Variants in INPP4B observed in about 807,000 individuals in gnomAD.
INPP4B encodes inositol polyphosphate 4-phosphatase type II.
A neutral mutation model predicts 122.5 loss-of-function variants in INPP4B; 55 were observed. That is an observed-to-expected ratio of 0.45 (90% CI 0.36 to 0.56). INPP4B has a LOEUF of 0.56. INPP4B is among the 20% of genes least tolerant of loss of function. The pLI is 0.00. For synonymous variants in INPP4B, 403 were observed against 388.7 expected (o/e 1.04, Z -0.43); for missense variants, 1,000 against 1,097.7 (o/e 0.91, Z 1.26).
chr4:142,215,439 C>A (rs1846707967), intron 12 of INPP4B, among the ~76,000 whole-genome samples: 1 of 152,134 alleles, frequency 6.6e-6, no homozygotes, highest in Non-Finnish European at 1.5e-5. Context: ...AAAACTAAAC[C>A]TGAACAAAAG....
At chr4:142,076,654 C>A (rs1222238502) in intron 25 of INPP4B, among the ~76,000 whole-genome samples, 3 of 151,850 alleles carry the variant, frequency 2.0e-5, no homozygotes, top group African/African-American at 7.2e-5. Flanking sequence ...TTCAAGTAGT[C>A]AAAAAATAGC....
chr4:142,791,141 G>C (rs1190467190), intron 1 of INPP4B, among the ~76,000 whole-genome samples: 1 of 152,106 alleles, frequency 6.6e-6, no homozygotes, highest in Non-Finnish European at 1.5e-5. Context: ...AGGAAATAGA[G>C]ATAGAGAATA....
rs1481376514 is a variant in INPP4B, at chr4:142,026,607, C to T, written c.*2175G>A. The T allele has an allele frequency of 6.6e-6, 1 of 152,498 alleles. No homozygotes were observed. Among genetic ancestry groups the T allele is most frequent in the Non-Finnish European group, 1.5e-5 (1 of 68,288 alleles). The allele number at this position is 152,498 out of a possible 1,614,324, so 9.4% of individuals were successfully genotyped here. ...TCAGCCTCCCAAGTAGCTGGGATTA[C>T]ACGTGTGTGCCACCACATCCAGCTA... On this transcript the variant is annotated 3_prime_UTR_variant, in exon 26 of 26. Coordinates refer to ENST00000262992, the MANE Select transcript of INPP4B (RefSeq NM_001101669.3).
intron 1 of INPP4B, among the ~76,000 whole-genome samples, chr4:142,734,377 C>G (rs545370692): frequency 1.6e-4 from 25 of 152,250 alleles, no homozygotes; most frequent in African/African-American, 6.0e-4. Flanking sequence ...CCCTGAAAAA[C>G]TAATACACAT....
chr4:142,269,382 G>A (rs1208395977), intron 10 of INPP4B, among the ~76,000 whole-genome samples: 1 of 152,034 alleles, frequency 6.6e-6, no homozygotes, highest in Non-Finnish European at 1.5e-5. Flanking sequence ...GGAAAAGGCA[G>A]GGGTCACAGA....
rs562987583 is a variant in INPP4B at position 142,433,083 on chromosome 4, T to C, written c.-126-1698A>G. Among the ~76,000 whole-genome samples, 344 of 152,222 alleles carry C rather than the reference T, an allele frequency of 2.3e-3. 2 individuals are homozygous for C. Among genetic ancestry groups the C allele is most frequent in the African/African-American group, 7.6e-3 (314 of 41,544 alleles). The stretch of plus-strand genomic sequence containing the variant: ...TGAAGTTAAATATACAAAACAAGAA[T>C]TATGAGATAACCTCTTGATATTCTG... On this transcript the variant is annotated intron_variant, in intron 3 of 25. Transcript: ENST00000262992.
At position 142,822,638 on chromosome 4, in the gene INPP4B, T is replaced by C. The variant is rs535057494; in HGVS notation, c.-254+23571A>G. Among the ~76,000 whole-genome samples, 9 of 152,238 alleles carry C rather than the reference T, an allele frequency of 5.9e-5. No homozygotes were observed. In the South Asian group the frequency reaches 1.9e-3, roughly 32 times the overall value. ...CTACACCACCCCGACTCCATCCGTG[T>C]AAAAACTGTCTTCCATGAAACTGGT... On this transcript the variant is annotated intron_variant, in intron 1 of 25. Coordinates refer to ENST00000262992, the MANE Select transcript of INPP4B (RefSeq NM_001101669.3).
At chr4:142,511,854 C>G (rs1824762382) in intron 2 of INPP4B, among the ~76,000 whole-genome samples, 1 of 152,178 alleles carries the variant, frequency 6.6e-6, no homozygotes. Flanking sequence ...ACAATTTCCT[C>G]TACACCCTTA....
At chr4:142,672,154 T>C (rs1235344111) in intron 2 of INPP4B, among the ~76,000 whole-genome samples, 1 of 152,222 alleles carries the variant, frequency 6.6e-6, no homozygotes, top group Non-Finnish European at 1.5e-5. Context: ...ATTTTCATAG[T>C]TTACATTTTG....
chr4:142,348,318 C>G (rs530165485), intron 7 of INPP4B, among the ~76,000 whole-genome samples: 4 of 151,980 alleles, frequency 2.6e-5, no homozygotes, highest in Non-Finnish European at 5.9e-5. Context: ...TGACCTTTGC[C>G]ATTTTGAGGG....
At chr4:142,589,786 C>G (rs1053673038) in intron 2 of INPP4B, among the ~76,000 whole-genome samples, 2 of 152,114 alleles carry the variant, frequency 1.3e-5, no homozygotes, top group African/African-American at 2.4e-5. Context: ...ATTTACCCAA[C>G]TGATTTGAAA....
chr4:142,748,644 A>C (rs1266018918), intron 1 of INPP4B, among the ~76,000 whole-genome samples: 2 of 151,832 alleles, frequency 1.3e-5, no homozygotes, highest in Non-Finnish European at 2.9e-5. Flanking sequence ...TTCCTAAACA[A>C]CTCAACTTAT....
In INPP4B at chr4:142,160,537, T is replaced by G. The variant is rs781600296; in HGVS notation, c.1384A>C (p.Lys462Gln). 3.1e-5 allele frequency: 49 copies of G among 1,602,972 alleles called. No individual in the cohort carries two copies. Among genetic ancestry groups the G allele is most frequent in the Non-Finnish European group, 4.1e-5 (48 of 1,171,734 alleles). The change falls in exon 17 of 26, where the codon AAG (lysine) becomes CAG (glutamine). Residue 462 changes from lysine to glutamine, a missense_variant. Lys to Gln is a moderately conservative substitution (Grantham distance 53). Coordinates refer to ENST00000262992, the MANE Select transcript of INPP4B (RefSeq NM_001101669.3). Reference protein sequence around the residue: ...EKTELFVHAFKDQLVRSALLA... With the variant: ...EKTELFVHAFQDQLVRSALLA... Reference sequence around the variant, plus strand: ...AGAGCACTCCTGACAAGTTGATCCTTGAAGGCATGTACAAAAAGCTCTGTC... The same window carrying G: ...AGAGCACTCCTGACAAGTTGATCCTGGAAGGCATGTACAAAAAGCTCTGTC...
intron 2 of INPP4B, among the ~76,000 whole-genome samples, chr4:142,710,721 C>T (rs1433100567): frequency 6.6e-6 from 1 of 152,176 alleles, no homozygotes; most frequent in Non-Finnish European, 1.5e-5. Flanking sequence ...TTTAGTAACT[C>T]CACTAAAACT....
intron 2 of INPP4B, among the ~76,000 whole-genome samples, chr4:142,712,911 A>G (rs895181267): frequency 2.0e-5 from 3 of 152,206 alleles, no homozygotes; most frequent in Non-Finnish European, 4.4e-5. Context: ...CATTAAGGGG[A>G]ATAACAAACA....
At chr4:142,369,625 A>AAT (rs1403168653) in intron 7 of INPP4B, among the ~76,000 whole-genome samples, 481 of 146,612 alleles carry the variant, frequency 3.3e-3, no homozygotes, top group Middle Eastern at 0.025. Context: ...TAAAAATAAA[A>AAT]AAATAAAAAA....
rs114065362 is a variant in INPP4B, at chr4:142,381,948, T to C, written c.372+20990A>G. ...ATGCAAATTTGATTGTAGTTTTATG[T>C]TATGTTTCAATGCCTGATCAGGTAA... is the stretch of plus-strand genomic sequence containing the variant. On this transcript the variant is annotated intron_variant, in intron 7 of 25. Coordinates refer to ENST00000262992, the MANE Select transcript of INPP4B (RefSeq NM_001101669.3). 8.3e-3 allele frequency among the ~76,000 whole-genome samples: 1,262 copies of C among 152,192 alleles called. 16 individuals are homozygous for C. The highest frequency in any genetic ancestry group is 0.029 in the African/African-American group (1,207 of 41,542).
At chr4:142,535,453 T>C (rs1828076318) in intron 2 of INPP4B, among the ~76,000 whole-genome samples, 1 of 152,242 alleles carries the variant, frequency 6.6e-6, no homozygotes, top group Non-Finnish European at 1.5e-5. Flanking sequence ...GATCTGCACA[T>C]AAGTAAGAAC....
intron 1 of INPP4B, among the ~76,000 whole-genome samples, chr4:142,777,488 C>CTCT (rs1272460014): frequency 6.6e-6 from 1 of 152,054 alleles, no homozygotes; most frequent in Admixed American, 6.6e-5. Flanking sequence ...AGGTCCTAAG[C>CTCT]TCCAGAAAAA....
Sources: allele counts gnomAD v4.1 joint callset (sites outside exome capture counted in the v4.1 genomes callset), GRCh38; gene constraint gnomAD v4.1.1; transcripts MANE v1.5; gene names NCBI Gene and HGNC (gene_info 2026-07-23, HGNC 2026-07-21).